The following MLLT3 variants were observed in gnomAD, a reference collection of about 807,000 sequenced individuals.
The protein encoded by MLLT3 is protein AF-9.
A neutral mutation model predicts 53.2 loss-of-function variants in MLLT3; 4 were observed. The ratio of observed to expected loss-of-function variants is 0.08; its 90% CI spans 0.04 to 0.17. The LOEUF (loss-of-function observed/expected upper bound fraction) is 0.17. Ranked by LOEUF, MLLT3 falls within the 10% of genes least tolerant of loss-of-function variation. The pLI, the probability that MLLT3 is intolerant of heterozygous loss-of-function variation, is 1.00. For synonymous variants in MLLT3, 283 were observed against 230.6 expected (o/e 1.23, Z -2.06); for missense variants, 569 against 684.0 (o/e 0.83, Z 1.87).
At chr9:20,601,475 T>C (rs1172530253) in intron 2 of MLLT3, among the ~76,000 whole-genome samples, 2 of 152,196 alleles carry the variant, frequency 1.3e-5, no homozygotes, top group South Asian at 4.1e-4. Flanking sequence ...CCAAGCTAAA[T>C]AACAACAGCA....
rs35653310 is a variant in MLLT3, at chr9:20,622,295, A to AC, written c.-40dup. The AC allele has an allele frequency of 1.0e-3, 1,533 of 1,460,178 alleles. No homozygotes were observed. The highest frequency in any genetic ancestry group is 1.3e-3 in the Non-Finnish European group (1,366 of 1,081,016). The allele number at this position is 1,460,178 out of a possible 1,614,324, so 90.5% of individuals were successfully genotyped here. A position where few individuals can be genotyped will look rare whatever the true frequency, so the allele number is the denominator to read the frequency against. On this transcript the variant is annotated 5_prime_UTR_variant, in exon 1 of 11. Transcript: ENST00000380338. ...GAGGTTTGCTGGGGTGTTGTGTGGTACCCCCCCCTCCTCCGCCCCCCCTCA... is the reference window on the plus strand; with the variant it reads ...GAGGTTTGCTGGGGTGTTGTGTGGTACCCCCCCCCTCCTCCGCCCCCCCTCA...
intron 2 of MLLT3, among the ~76,000 whole-genome samples, chr9:20,498,003 C>G (rs918677413): frequency 1.3e-5 from 2 of 151,952 alleles, no homozygotes; most frequent in African/African-American, 4.8e-5. Flanking sequence ...GAGTGGATCA[C>G]TTGAGGCCAG....
intron 5 of MLLT3, among the ~76,000 whole-genome samples, chr9:20,400,737 G>GA (rs139837160): frequency 0.019 from 2,790 of 145,516 alleles, 84 homozygotes; most frequent in African/African-American, 0.06. Context: ...ATTACAAAAA[G>GA]AAAAAAAAAA....
In MLLT3 at chr9:20,342,073, C is replaced by T. The variant is rs1319477747; in HGVS notation, c.*4370G>A. On this transcript the variant is annotated 3_prime_UTR_variant, in exon 11 of 11. Transcript: ENST00000380338. ...CTCTGGATGTCTCAGATCTCCCCAT[C>T]TATTCTTCTTTAGAAACAGCATCAC... is the stretch of plus-strand genomic sequence containing the variant. 1 of 212,250 alleles carries T rather than the reference C, an allele frequency of 4.7e-6. No homozygotes were observed. The highest frequency in any genetic ancestry group is 9.5e-6 in the Non-Finnish European group (1 of 104,882). The allele number at this position is 212,250 out of a possible 1,614,324, so 13.1% of individuals were successfully genotyped here. A position where few individuals can be genotyped will look rare whatever the true frequency, so the allele number is the denominator to read the frequency against.
At chr9:20,349,247 A>G (rs73428495) in intron 10 of MLLT3, among the ~76,000 whole-genome samples, 1,871 of 152,338 alleles carry the variant, frequency 0.012, 46 homozygotes, top group African/African-American at 0.043. Context: ...GGAAAATGAG[A>G]GTAATGCTAC....
intron 4 of MLLT3, among the ~76,000 whole-genome samples, chr9:20,434,845 G>GA (rs1823363807): frequency 1.3e-5 from 2 of 151,922 alleles, no homozygotes; most frequent in Admixed American, 6.6e-5. Context: ...CTCGGTTGCA[G>GA]AAAAAAGACA....
intron 2 of MLLT3, among the ~76,000 whole-genome samples, chr9:20,490,859 C>G (rs1444759943): frequency 6.6e-6 from 1 of 152,080 alleles, no homozygotes; most frequent in African/African-American, 2.4e-5. Context: ...TTTAAATAAT[C>G]TGCTTAAGAA....
At chr9:20,461,274 T>C (rs149386712) in intron 2 of MLLT3, among the ~76,000 whole-genome samples, 135 of 152,280 alleles carry the variant, frequency 8.9e-4, no homozygotes, top group Non-Finnish European at 4.3e-4. Flanking sequence ...GATTCAAATA[T>C]ATAATATGTA....
At chr9:20,370,568 T>C (rs866135121) in intron 5 of MLLT3, among the ~76,000 whole-genome samples, 1 of 152,008 alleles carries the variant, frequency 6.6e-6, no homozygotes, top group Non-Finnish European at 1.5e-5. Flanking sequence ...TGCAGTACAA[T>C]GGCAGGATCT....
At position 20,345,600 on chromosome 9, in the gene MLLT3, C is replaced by A; in HGVS notation, c.*843G>T. On this transcript the variant is annotated 3_prime_UTR_variant, in exon 11 of 11. Coordinates refer to ENST00000380338, the MANE Select transcript of MLLT3 (RefSeq NM_004529.4). Reference sequence around the variant, plus strand: ...GAATGTTGATGACAGCTCAACAATGCTGGATTCAGGACATTTACAGGTACA... The same window carrying A: ...GAATGTTGATGACAGCTCAACAATGATGGATTCAGGACATTTACAGGTACA... The A allele has an allele frequency of 4.8e-6, 1 of 206,496 alleles. No individual in the cohort carries two copies. The highest frequency in any genetic ancestry group is 7.3e-5 in the East Asian group (1 of 13,634). The allele number at this position is 206,496 out of a possible 1,614,324, so 12.8% of individuals were successfully genotyped here. A position where few individuals can be genotyped will look rare whatever the true frequency, so the allele number is the denominator to read the frequency against.
chr9:20,621,688 C>T lies in MLLT3; in HGVS notation c.12+557G>A. On this transcript the variant is annotated intron_variant, in intron 1 of 10. Coordinates refer to ENST00000380338, the MANE Select transcript of MLLT3 (RefSeq NM_004529.4). This position sits in a 1 kb window ranked among gnomAD's most constrained non-coding sequence, Gnocchi z 7.0. ...GCCTCGGCTCGCGCTCAGCACCTCCCGGCGCTGGGGCAAAGTTGCGTGCGG... is the reference window on the plus strand; with the variant it reads ...GCCTCGGCTCGCGCTCAGCACCTCCTGGCGCTGGGGCAAAGTTGCGTGCGG... The T allele has an allele frequency of 2.2e-6, 3 of 1,374,582 alleles. No homozygotes were observed. The highest frequency in any genetic ancestry group is 1.5e-5 in the African/African-American group (1 of 65,696). The allele number at this position is 1,374,582 out of a possible 1,614,324, so 85.1% of individuals were successfully genotyped here.
At chr9:20,405,833 C>G (rs932771384) in intron 5 of MLLT3, among the ~76,000 whole-genome samples, 1 of 152,074 alleles carries the variant, frequency 6.6e-6, no homozygotes, top group Middle Eastern at 3.4e-3. Context: ...GCCTTCTGGC[C>G]GGGTGTGGTG....
At chr9:20,419,281 A>C (rs769080663) in intron 4 of MLLT3, among the ~76,000 whole-genome samples, 1 of 152,194 alleles carries the variant, frequency 6.6e-6, no homozygotes, top group Non-Finnish European at 1.5e-5. Context: ...GCTAACTGGC[A>C]GTATAAAAGA....
chr9:20,366,262 T>C (rs537076242), intron 5 of MLLT3, among the ~76,000 whole-genome samples: 2 of 152,204 alleles, frequency 1.3e-5, no homozygotes, highest in Non-Finnish European at 2.9e-5. Flanking sequence ...TGTGTTCTTA[T>C]TGTTCAACTC....
chr9:20,602,208 C>A (rs1563839132), intron 2 of MLLT3, among the ~76,000 whole-genome samples: 2 of 152,126 alleles, frequency 1.3e-5, no homozygotes, highest in Non-Finnish European at 2.9e-5. Context: ...TCTCCATTTT[C>A]AAGCCTCCAA....
intron 2 of MLLT3, among the ~76,000 whole-genome samples, chr9:20,556,156 CAG>C (rs1338225381): frequency 1.3e-5 from 2 of 152,108 alleles, no homozygotes; most frequent in Non-Finnish European, 1.5e-5. Flanking sequence ...AATGTATAAA[CAG>C]AAATATTTTT....
intron 8 of MLLT3, among the ~76,000 whole-genome samples, chr9:20,358,776 C>T (rs2118625969): frequency 6.6e-6 from 1 of 152,256 alleles, no homozygotes; most frequent in East Asian, 1.9e-4. Context: ...CCTGGCCCTG[C>T]CACTGCTGTG....
chr9:20,376,645 T>A (rs1821772825), intron 5 of MLLT3, among the ~76,000 whole-genome samples: 1 of 152,202 alleles, frequency 6.6e-6, no homozygotes, highest in African/African-American at 2.4e-5. Context: ...CAGGGGTCTA[T>A]AAATCTCTCC....
chr9:20,590,631 C>T (rs893162956), intron 2 of MLLT3, among the ~76,000 whole-genome samples: 16 of 152,154 alleles, frequency 1.1e-4, no homozygotes, highest in African/African-American at 3.9e-4. Context: ...TGAGGCCTCT[C>T]CAGCCATGTG....
Sources: allele counts gnomAD v4.1 joint callset (sites outside exome capture counted in the v4.1 genomes callset), GRCh38; gene constraint gnomAD v4.1.1; non-coding constraint Gnocchi (gnomAD v3.1); transcripts MANE v1.5; gene names NCBI Gene and HGNC (gene_info 2026-07-23, HGNC 2026-07-21).